Variants in TRHDE observed in about 807,000 individuals in gnomAD.
The protein encoded by TRHDE is thyrotropin releasing hormone degrading enzyme, also known as thyrotropin-releasing hormone-degrading ectoenzyme.
A neutral mutation model predicts 125.7 loss-of-function variants in TRHDE; 72 were observed. The ratio of observed to expected loss-of-function variants is 0.57; its 90% CI spans 0.47 to 0.70. TRHDE has a LOEUF of 0.70. TRHDE is among the 30% of genes least tolerant of loss of function. The pLI is 0.00. For synonymous variants in TRHDE, 509 were observed against 509.1 expected (o/e 1.00, Z 0.00); for missense variants, 1,110 against 1,327.1 (o/e 0.84, Z 2.54).
At chr12:72,570,017 C>A (rs1194087342) in intron 10 of TRHDE, among the ~76,000 whole-genome samples, 1 of 152,070 alleles carries the variant, frequency 6.6e-6, no homozygotes, top group African/African-American at 2.4e-5. Flanking sequence ...AGTCATCGCT[C>A]TATAGGATTC....
At chr12:72,217,835 T>C (rs774879049) in intron 2 of TRHDE, among the ~76,000 whole-genome samples, 1 of 152,126 alleles carries the variant, frequency 6.6e-6, no homozygotes, top group Non-Finnish European at 1.5e-5. Flanking sequence ...TGGGAAGATG[T>C]TAGAACAAAA....
intron 6 of TRHDE, among the ~76,000 whole-genome samples, chr12:72,518,296 C>A (rs1878986691): frequency 6.9e-6 from 1 of 145,138 alleles, no homozygotes; most frequent in African/African-American, 2.7e-5. Flanking sequence ...CTTTGTAGGT[C>A]ACTCAGGACT....
At chr12:72,642,541 C>T (rs1874108377) in intron 15 of TRHDE, among the ~76,000 whole-genome samples, 1 of 152,028 alleles carries the variant, frequency 6.6e-6, no homozygotes, top group African/African-American at 2.4e-5. Context: ...TTTATTTTGG[C>T]TAAGCATTAC....
At chr12:72,188,734 T>G (rs1165197795) in intron 2 of TRHDE, among the ~76,000 whole-genome samples, 1 of 152,206 alleles carries the variant, frequency 6.6e-6, no homozygotes, top group African/African-American at 2.4e-5. Context: ...TGTGAAAGAC[T>G]TTAAAAAAAA....
chr12:72,514,988 T>C (rs1878776042), intron 6 of TRHDE, among the ~76,000 whole-genome samples: 1 of 149,448 alleles, frequency 6.7e-6, no homozygotes, highest in Non-Finnish European at 1.5e-5. Context: ...TATGGCTGCA[T>C]AGTATTCCAT....
intron 3 of TRHDE, among the ~76,000 whole-genome samples, chr12:72,443,897 G>A (rs1311081382): frequency 6.6e-6 from 1 of 151,774 alleles, no homozygotes; most frequent in African/African-American, 2.4e-5. Context: ...ATATTCCATA[G>A]AAATGAGATA....
At chr12:72,255,250 G>A (rs1433433506) in intron 2 of TRHDE, 2 of 152,182 alleles carry the variant, frequency 1.3e-5, no homozygotes, top group Non-Finnish European at 2.9e-5. Flanking sequence ...GTGGAGGACA[G>A]AAGAGATCAT....
chr12:72,430,981 A>T (rs1407736723), intron 3 of TRHDE, among the ~76,000 whole-genome samples: 1 of 152,020 alleles, frequency 6.6e-6, no homozygotes, highest in Non-Finnish European at 1.5e-5. Flanking sequence ...TTCTTTTGTC[A>T]AATTTATCTC....
chr12:72,151,465 T>C (rs1876363197), intron 2 of TRHDE, among the ~76,000 whole-genome samples: 1 of 152,238 alleles, frequency 6.6e-6, no homozygotes, highest in Non-Finnish European at 1.5e-5. Context: ...TATGAAGTCC[T>C]TGCCCATGCC....
chr12:72,521,446 G>T (rs1384816037), intron 6 of TRHDE, among the ~76,000 whole-genome samples: 1 of 151,996 alleles, frequency 6.6e-6, no homozygotes, highest in Non-Finnish European at 1.5e-5. Flanking sequence ...GTGTAGAGGG[G>T]AGAGTGTGAG....
chr12:72,409,438 A>G (rs1022036888), intron 3 of TRHDE, among the ~76,000 whole-genome samples: 2 of 152,080 alleles, frequency 1.3e-5, no homozygotes, highest in African/African-American at 4.8e-5. Context: ...TCTAATAGGG[A>G]TCTTATGTCC....
At chr12:72,380,062 A>G (rs1435820050) in intron 3 of TRHDE, among the ~76,000 whole-genome samples, 4 of 152,200 alleles carry the variant, frequency 2.6e-5, no homozygotes, top group Admixed American at 6.5e-5. Context: ...AATTCTATAG[A>G]AACCAGCTTA....
chr12:72,343,480 A>G (rs1397162713), intron 2 of TRHDE, among the ~76,000 whole-genome samples: 3 of 152,124 alleles, frequency 2.0e-5, no homozygotes, highest in African/African-American at 7.2e-5. Context: ...TGCAAAGTTA[A>G]ATATCATTAA....
chr12:72,119,761 A>G (rs1267514639), intron 2 of TRHDE, among the ~76,000 whole-genome samples: 1 of 152,162 alleles, frequency 6.6e-6, no homozygotes, highest in African/African-American at 2.4e-5. Context: ...CTCTTGCTGA[A>G]TTGACTCCTT....
intron 5 of TRHDE, among the ~76,000 whole-genome samples, chr12:72,477,226 C>G (rs1742565904): frequency 6.6e-6 from 1 of 152,112 alleles, no homozygotes; most frequent in African/African-American, 2.4e-5. Flanking sequence ...AATGAAAGCT[C>G]TATTAGAAAA....
At chr12:72,339,351 A>G (rs1334675241) in intron 2 of TRHDE, among the ~76,000 whole-genome samples, 1 of 152,138 alleles carries the variant, frequency 6.6e-6, no homozygotes, top group Non-Finnish European at 1.5e-5. Context: ...TGTTATCTCA[A>G]CGAATGAAGT....
chr12:72,213,671 C>A (rs866470707), intron 2 of TRHDE, among the ~76,000 whole-genome samples: 5 of 152,118 alleles, frequency 3.3e-5, no homozygotes, highest in Non-Finnish European at 7.4e-5. Context: ...AACTTATATG[C>A]CTGGATTTGT....
Position 72,235,312 on chromosome 12 carries a change from T to C in TRHDE, n.279+129560T>C, listed in dbSNP as rs180803349. On this transcript the variant is annotated intron_variant and non_coding_transcript_variant, in intron 2 of 4. Transcript: ENST00000548156. ...TGTACCGGCACTGTTCTAAGAACTT[T>C]AAAAATATTAACTGCATGACATAGA... 3.3e-5 allele frequency among the ~76,000 whole-genome samples: 5 copies of C among 152,288 alleles called. No individual in the cohort carries two copies. In the South Asian group the frequency reaches 1.0e-3, roughly 32 times the overall value.
intron 2 of TRHDE, among the ~76,000 whole-genome samples, chr12:72,112,004 T>C (rs964811606): frequency 6.6e-6 from 1 of 151,404 alleles, no homozygotes; most frequent in African/African-American, 2.4e-5. Context: ...GAAAAAAAAT[T>C]AAGAAAAAAA....
Sources: gnomAD v4.1 joint callset for allele counts (sites outside exome capture counted in the v4.1 genomes callset) on GRCh38, gnomAD v4.1.1 for gene constraint, MANE v1.5 for transcripts, NCBI Gene and HGNC (gene_info 2026-07-23, HGNC 2026-07-21) for gene names.